RAD51D: variants seen among roughly 807,000 people sequenced by gnomAD.
RAD51D encodes DNA repair protein RAD51 homolog 4.
Under a neutral mutation model 44.1 loss-of-function variants are expected in RAD51D, and 38 were observed. The ratio of observed to expected loss-of-function variants is 0.86; its 90% confidence interval spans 0.67 to 1.13. The LOEUF (loss-of-function observed/expected upper bound fraction) is 1.13, where lower values mean the gene tolerates loss of function less well. Among genes scored for constraint, RAD51D ranks in the 50% most tolerant of loss-of-function variants. The probability of loss-of-function intolerance (pLI) is 0.00; values close to 1 mark genes in which losing one functional copy is unlikely to be tolerated. For missense variants in RAD51D, 390 were observed against 414.0 expected (o/e 0.94, Z 0.50); for synonymous variants, 141 against 166.6 (o/e 0.85, Z 1.18).
At chr17:35,115,233 T>C (rs1202184152) in intron 3 of RAD51D, 1 of 516,410 alleles carries the variant, frequency 1.9e-6, no homozygotes, top group Non-Finnish European at 3.9e-6. Context: ...CTGAACTGCC[T>C]TTTAGCCATT....
At position 35,100,141 on chromosome 17, in the gene RAD51D, A is replaced by C. The variant is rs2091517394; in HGVS notation, c.*812T>G. 1 of 532,808 alleles carries C rather than the reference A, an allele frequency of 1.9e-6. No individual in the cohort carries two copies. The highest frequency in any genetic ancestry group is 1.9e-5 in the African/African-American group (1 of 53,760). 33.0% of individuals were successfully genotyped at this position (532,808 alleles called of 1,614,324 possible). ...TTATGCTGTACTGTGGAGGGGCCCCACAGGGCACCATGCATATTAAATGAG... is the reference window on the plus strand; with the variant it reads ...TTATGCTGTACTGTGGAGGGGCCCCCCAGGGCACCATGCATATTAAATGAG... On this transcript the variant is annotated 3_prime_UTR_variant, in exon 10 of 10. Transcript: ENST00000345365.
rs1217067623 is a variant in RAD51D, at chr17:35,099,291, C to T, written c.*1662G>A. ...AACTCCAACTGACTGGTAGTGGCCC[C>T]CTGGAGTGCTATATTGAGAAAAACT... On this transcript the variant is annotated 3_prime_UTR_variant, in exon 10 of 10. Coordinates refer to ENST00000345365, the MANE Select transcript of RAD51D (RefSeq NM_002878.4). 1 of 163,084 alleles carries T rather than the reference C, an allele frequency of 6.1e-6. No homozygotes were observed. The highest frequency in any genetic ancestry group is 1.4e-5 in the Non-Finnish European group (1 of 73,596). The allele number at this position is 163,084 out of a possible 1,614,324, so 10.1% of individuals were successfully genotyped here.
intron 6 of RAD51D, 97 bp downstream of exon 6, chr17:35,106,289 A>T (rs763371396): frequency 9.8e-7 from 1 of 1,016,106 alleles, no homozygotes; most frequent in Non-Finnish European, 1.6e-6. Context: ...CAGATTGCAC[A>T]TCTGCATTTC....
chr17:35,108,161 C>T (rs979810721), intron 3 of RAD51D, among the ~76,000 whole-genome samples: 6 of 151,272 alleles, frequency 4.0e-5, no homozygotes, highest in Middle Eastern at 3.4e-3. Flanking sequence ...AGGAGAATCG[C>T]TTGAACCCAG....
At chr17:35,113,551 G>A (rs750760603) in intron 3 of RAD51D, 9 of 444,148 alleles carry the variant, frequency 2.0e-5, no homozygotes, top group Non-Finnish European at 3.6e-5. Flanking sequence ...TTATAGGCAT[G>A]AGCCACCGTG....
At chr17:35,117,858 A>G (rs1449924776) in intron 3 of RAD51D, among the ~76,000 whole-genome samples, 1 of 152,136 alleles carries the variant, frequency 6.6e-6, no homozygotes, top group Non-Finnish European at 1.5e-5. Flanking sequence ...TGTGGTGAAT[A>G]AGTTCTGGGC....
chr17:35,100,014 A>G lies in RAD51D; in HGVS notation c.*939T>C. On this transcript the variant is annotated 3_prime_UTR_variant, in exon 10 of 10. Coordinates refer to ENST00000345365, the MANE Select transcript of RAD51D (RefSeq NM_002878.4). ...TTCTGCATAAAGGACTAGATTTGCC[A>G]TGTATTATTTACGTCAGCATCAATT... 1.9e-6 allele frequency: 1 copy of G among 530,834 alleles called. No individual in the cohort carries two copies. Among genetic ancestry groups the G allele is most frequent in the Non-Finnish European group, 3.6e-6 (1 of 274,106 alleles). 32.9% of individuals were successfully genotyped at this position (530,834 alleles called of 1,614,324 possible).
At position 35,097,074 on chromosome 17, in the gene RAD51D, A is replaced by T. The variant is rs981900522; in HGVS notation, c.*3879T>A. The T allele has an allele frequency of 2.0e-5, 3 of 152,116 alleles. No homozygotes were observed. The highest frequency in any genetic ancestry group is 4.4e-5 in the Non-Finnish European group (3 of 68,030). 9.4% of individuals were successfully genotyped at this position (152,116 alleles called of 1,614,324 possible). On this transcript the variant is annotated 3_prime_UTR_variant, in exon 10 of 10. Coordinates refer to ENST00000345365, the MANE Select transcript of RAD51D (RefSeq NM_002878.4). Reference sequence around the variant, plus strand: ...AGGGCATACAATAGTCCCCTGTAAAAAGATATGTAAGAAGACACTCTGGGG... The same window carrying T: ...AGGGCATACAATAGTCCCCTGTAAATAGATATGTAAGAAGACACTCTGGGG...
At chr17:35,115,956 G>GA (rs71366411) in intron 3 of RAD51D, among the ~76,000 whole-genome samples, 1 of 65,282 alleles carries the variant, frequency 1.5e-5, no homozygotes, top group African/African-American at 6.0e-5. Context: ...AAGGAAGAAA[G>GA]GAAAGAAAGA....
intron 3 of RAD51D, chr17:35,115,218 T>C (rs1014415110): frequency 4.9e-5 from 25 of 510,774 alleles, no homozygotes; most frequent in African/African-American, 4.6e-4. Flanking sequence ...CCTCTGCCTT[T>C]CCCTCTGAAC....
intron 6 of RAD51D, chr17:35,104,838 CTT>C (rs777164109): frequency 1.8e-4 from 25 of 141,810 alleles, no homozygotes; most frequent in Admixed American, 2.8e-4. Context: ...CTTTCTTTTT[CTT>C]TTTTTTTTTT....
intron 4 of RAD51D, 60 bp downstream of exon 4, chr17:35,107,306 T>C: frequency 2.7e-6 from 4 of 1,493,214 alleles, no homozygotes; most frequent in East Asian, 2.3e-5. Flanking sequence ...CCAGGGACCC[T>C]GGGCTATGCA....
chr17:35,101,582 C>T (rs1199075898), intron 8 of RAD51D, among the ~76,000 whole-genome samples: 1 of 152,142 alleles, frequency 6.6e-6, no homozygotes, highest in Admixed American at 6.6e-5. Context: ...TTGACCCGAA[C>T]CAGAAGGCGA....
intron 3 of RAD51D, among the ~76,000 whole-genome samples, chr17:35,109,895 G>A (rs994472912): frequency 4.0e-5 from 6 of 150,428 alleles, no homozygotes; most frequent in South Asian, 2.1e-4. Flanking sequence ...TCAAACTCCC[G>A]ACCTCAGGTG....
At position 35,099,826 on chromosome 17, in the gene RAD51D, G is replaced by A. The variant is rs1217562844; in HGVS notation, c.*1127C>T. On this transcript the variant is annotated 3_prime_UTR_variant, in exon 10 of 10. Coordinates refer to ENST00000345365, the MANE Select transcript of RAD51D (RefSeq NM_002878.4). ...TTTTCCTTTTATTTTCCATTCCCTGGTGTCTTCGTCCCCTCCCAGCCAGGG... is the reference window on the plus strand; with the variant it reads ...TTTTCCTTTTATTTTCCATTCCCTGATGTCTTCGTCCCCTCCCAGCCAGGG... The A allele has an allele frequency of 4.0e-6, 2 of 497,846 alleles. No individual in the cohort carries two copies. Among genetic ancestry groups the A allele is most frequent in the Admixed American group, 2.3e-5 (1 of 43,530 alleles). The allele number at this position is 497,846 out of a possible 1,614,324, so 30.8% of individuals were successfully genotyped here. A position where few individuals can be genotyped will look rare whatever the true frequency, so the allele number is the denominator to read the frequency against.
At position 35,103,664 on chromosome 17, in the gene RAD51D, G is replaced by T; in HGVS notation, c.577-120C>A. The T allele has an allele frequency of 1.4e-6, 1 of 738,716 alleles. No homozygotes were observed. The highest frequency in any genetic ancestry group is 2.4e-6 in the Non-Finnish European group (1 of 416,164). 45.8% of individuals were successfully genotyped at this position (738,716 alleles called of 1,614,324 possible). ...AGCCCCCCCATCCCAAATACAGCAAGCTGCACGGGCATCACAGAATGTCAT... is the reference window on the plus strand; with the variant it reads ...AGCCCCCCCATCCCAAATACAGCAATCTGCACGGGCATCACAGAATGTCAT... On this transcript the variant is annotated intron_variant, in intron 6 of 9. Coordinates refer to ENST00000345365, the MANE Select transcript of RAD51D (RefSeq NM_002878.4). This position sits in a 1 kb window ranked among gnomAD's most constrained non-coding sequence, Gnocchi z 4.1.
rs2142428463 is a variant in RAD51D at position 35,106,351 on chromosome 17, G to A, written c.576+35C>T. 1.7e-5 allele frequency: 27 copies of A among 1,578,972 alleles called. No homozygotes were observed. Among genetic ancestry groups the A allele is most frequent in the Non-Finnish European group, 2.3e-5 (26 of 1,149,076 alleles). On this transcript the variant is annotated intron_variant, in intron 6 of 9. Transcript: ENST00000345365. ...CCACAGAGATAGCACCTAGAAAGCT[G>A]AATTAAGCAAGGAGGGGCAGAACAG...
chr17:35,099,189 GT>G lies in RAD51D; in HGVS notation c.*1763del, dbSNP rs2091508755. Reference sequence around the variant, plus strand: ...TCAAACTGCAGTCCTAGGGTCCTCAGTTAGGTATTAAGTACCTGAACTCACT... The same window carrying G: ...TCAAACTGCAGTCCTAGGGTCCTCAGTAGGTATTAAGTACCTGAACTCACT... On this transcript the variant is annotated 3_prime_UTR_variant, in exon 10 of 10. Coordinates refer to ENST00000345365, the MANE Select transcript of RAD51D (RefSeq NM_002878.4). The G allele has an allele frequency of 6.5e-6, 1 of 154,422 alleles. No homozygotes were observed. The highest frequency in any genetic ancestry group is 2.4e-5 in the African/African-American group (1 of 41,386). The allele number at this position is 154,422 out of a possible 1,614,324, so 9.6% of individuals were successfully genotyped here.
intron 4 of RAD51D, 112 bp downstream of exon 4, chr17:35,107,254 C>T: frequency 6.8e-7 from 1 of 1,459,954 alleles, no homozygotes; most frequent in South Asian, 1.1e-5. Flanking sequence ...TACCCATCTT[C>T]TCTCTGTTGG....
Sources: gnomAD v4.1 joint callset for allele counts (sites outside exome capture counted in the v4.1 genomes callset) on GRCh38, gnomAD v4.1.1 for gene constraint, Gnocchi (gnomAD v3.1) non-coding constraint, MANE v1.5 for transcripts, NCBI Gene and HGNC (gene_info 2026-07-23, HGNC 2026-07-21) for gene names.